SLU7: variants seen among roughly 807,000 people sequenced by gnomAD.
SLU7 encodes spliceosome associated SLU7.
A neutral mutation model predicts 87.0 loss-of-function variants in SLU7; 60 were observed. The ratio of observed to expected loss-of-function variants is 0.69; its 90% CI spans 0.56 to 0.86. The LOEUF is 0.86. Ranked by LOEUF, SLU7 falls within the 40% of genes least tolerant of loss-of-function variation. The probability of loss-of-function intolerance (pLI) is 0.00; values close to 1 mark genes in which losing one functional copy is unlikely to be tolerated. For missense variants in SLU7, 507 were observed against 686.6 expected, an observed-to-expected ratio of 0.74 and a Z score of 2.92; for synonymous variants, 197 against 222.0, an observed-to-expected ratio of 0.89 and a Z score of 1.00.
At position 160,408,434 on chromosome 5, in the gene SLU7, C is replaced by T; in HGVS notation, c.714G>A (p.Glu238=). 5.0e-6 allele frequency: 8 copies of T among 1,607,256 alleles called. No individual in the cohort carries two copies. Among genetic ancestry groups the T allele is most frequent in the Non-Finnish European group, 6.8e-6 (8 of 1,176,358 alleles). ...TATCATCTGCATATTTATCTTCATC[C>T]TCATCTTCACTATTATGATCTTTTT... ...QMEKDHNSED[E]DEDKYADDID... The change falls in exon 8 of 16, where the codon GAG becomes GAA. Residue 238 remains glutamate, a synonymous_variant. Coordinates refer to ENST00000297151, the MANE Select transcript of SLU7 (RefSeq NM_006425.5).
Position 160,412,479 on chromosome 5 carries a change from A to G in SLU7, c.611T>C (p.Leu204Ser), listed in dbSNP as rs1295210097. Reference sequence around the variant, plus strand: ...CTGTTCCACTAATTTTCCTGAGGCTAATTCCTCTTGGAGTTTCTGGGCTTT... The same window carrying G: ...CTGTTCCACTAATTTTCCTGAGGCTGATTCCTCTTGGAGTTTCTGGGCTTT... ...TLKAQKLQEE[L>S]ASGKLVEQAN... is the part of the protein sequence containing the mutation. Residue 204 changes from leucine (L) to serine (S), a missense_variant, in exon 6 of 16, where the codon TTA (leucine) becomes TCA (serine). Around this residue, in one of 6 missense-constraint regions of SLU7, gnomAD observed 155 missense variants for 154.4 expected, o/e 1.00. Transcript: ENST00000297151. 1.3e-6 allele frequency: 2 copies of G among 1,556,172 alleles called. No individual in the cohort carries two copies. Among genetic ancestry groups the G allele is most frequent in the Non-Finnish European group, 1.7e-6 (2 of 1,145,756 alleles).
At position 160,404,567 on chromosome 5, in the gene SLU7, G is replaced by A; in HGVS notation, c.1465-11C>T. On this transcript the variant is annotated splice_polypyrimidine_tract_variant and intron_variant, in intron 14 of 15. Transcript: ENST00000297151. ...TTTTTCTTGATGCAGCTGAAAGGGAGGATTGAAATGCAGTGTTATTAATGT... is the reference window on the plus strand; with the variant it reads ...TTTTTCTTGATGCAGCTGAAAGGGAAGATTGAAATGCAGTGTTATTAATGT... The A allele has an allele frequency of 1.3e-6, 2 of 1,499,432 alleles. No homozygotes were observed. The highest frequency in any genetic ancestry group is 1.8e-6 in the Non-Finnish European group (2 of 1,082,020). 92.9% of individuals were successfully genotyped at this position (1,499,432 alleles called of 1,614,324 possible). A position where few individuals can be genotyped will look rare whatever the true frequency, so the allele number is the denominator to read the frequency against.
intron 1 of SLU7, 37 bp from the exon 2 acceptor site, chr5:160,415,347 C>A: frequency 6.8e-7 from 1 of 1,468,650 alleles, no homozygotes; most frequent in Non-Finnish European, 9.1e-7. Flanking sequence ...AAAAAGTAGG[C>A]CTTCATGAAT....
intron 1 of SLU7, among the ~76,000 whole-genome samples, chr5:160,415,633 A>G (rs1008424992): frequency 2.0e-5 from 3 of 152,210 alleles, no homozygotes; most frequent in Non-Finnish European, 2.9e-5. Context: ...GAGAGAAAAG[A>G]GGGTCCTATC....
intron 6 of SLU7, among the ~76,000 whole-genome samples, chr5:160,412,183 A>G (rs1052432473): frequency 1.3e-5 from 2 of 152,204 alleles, no homozygotes; most frequent in Non-Finnish European, 2.9e-5. Flanking sequence ...AACTCTAGAA[A>G]ATTCTTTAGG....
chr5:160,406,668 C>G (rs768288954), intron 11 of SLU7, 39 bp from the exon 12 acceptor site: 10 of 1,414,172 alleles, frequency 7.1e-6, no homozygotes, highest in Non-Finnish European at 9.6e-6. Flanking sequence ...CATTTTACAA[C>G]CTGATTTGCA....
At position 160,413,435 on chromosome 5, in the gene SLU7, A is replaced by G. The variant is rs200064450; in HGVS notation, c.570+21T>C. On this transcript the variant is annotated intron_variant, in intron 5 of 15. Coordinates refer to ENST00000297151, the MANE Select transcript of SLU7 (RefSeq NM_006425.5). ...AGGACGATTCTTTAAAAACCCCAGGAAAGCAGGGAATTTTGCTCACCAAAT... is the reference window on the plus strand; with the variant it reads ...AGGACGATTCTTTAAAAACCCCAGGGAAGCAGGGAATTTTGCTCACCAAAT... The G allele has an allele frequency of 1.3e-4, 205 of 1,609,490 alleles. No homozygotes were observed. The African/African-American group carries it at 2.3e-3, about 18-fold the overall frequency.
At position 160,413,458 on chromosome 5, in the gene SLU7, A is replaced by C. The variant is rs1207044178; in HGVS notation, c.568T>G (p.Leu190Val). The C allele has an allele frequency of 1.2e-6, 2 of 1,613,042 alleles. No homozygotes were observed. The highest frequency in any genetic ancestry group is 2.2e-5 in the East Asian group (1 of 44,862). The change falls in exon 5 of 16, where the codon TTG becomes GTG. Residue 190 changes from leucine (L) to valine (V), a missense_variant and splice_region_variant. Coordinates refer to ENST00000297151, the MANE Select transcript of SLU7 (RefSeq NM_006425.5). ...GGAAAGCAGGGAATTTTGCTCACCA[A>C]ATCAACTTTGGCATACTCTTCAACA... ...KIVEEYAKVD[L>V]AKRTLKAQKL...
chr5:160,412,373 A>G lies in SLU7; in HGVS notation c.639+78T>C. The G allele has an allele frequency of 3.3e-6, 3 of 909,906 alleles. No individual in the cohort carries two copies. In the South Asian group the frequency reaches 4.3e-5, roughly 13 times the overall value. The allele number at this position is 909,906 out of a possible 1,614,324, so 56.4% of individuals were successfully genotyped here. On this transcript the variant is annotated intron_variant, in intron 6 of 15. Coordinates refer to ENST00000297151, the MANE Select transcript of SLU7 (RefSeq NM_006425.5). ...CTCTCTTCCTAACTGAAGAGCTATA[A>G]AATGAATTCTTGTTTCAATTTTCAT...
Position 160,405,103 on chromosome 5 carries a change from T to A in SLU7, c.1320A>T (p.Arg440=), listed in dbSNP as rs780222825. The A allele has an allele frequency of 6.2e-7, 1 of 1,613,698 alleles. No individual in the cohort carries two copies. Among genetic ancestry groups the A allele is most frequent in the Non-Finnish European group, 8.5e-7 (1 of 1,179,700 alleles). ...HIWGSYWKEG[R]WGYKCCHSFF... ...AAGAGTGACAGCATTTGTATCCCCA[T>A]CGGCCTTCTTTCCAGTACGATCCCC... The change falls in exon 13 of 16, where the codon CGA becomes CGT. Residue 440 remains arginine (R), a synonymous_variant. Coordinates refer to ENST00000297151, the MANE Select transcript of SLU7 (RefSeq NM_006425.5).
intron 12 of SLU7, 76 bp from the exon 13 acceptor site, chr5:160,405,211 A>ACAG: frequency 2.0e-6 from 2 of 989,284 alleles, no homozygotes; most frequent in South Asian, 1.4e-5. Context: ...ATAAGAGTAT[A>ACAG]AAATAATACA....
At chr5:160,404,143 C>G (rs1317548050) in intron 15 of SLU7, among the ~76,000 whole-genome samples, 1 of 152,162 alleles carries the variant, frequency 6.6e-6, no homozygotes, top group East Asian at 1.9e-4. Context: ...GTGGGCAGTT[C>G]ACCTGAGCTC....
chr5:160,409,498 T>A (rs557048348), intron 6 of SLU7, among the ~76,000 whole-genome samples: 1 of 152,284 alleles, frequency 6.6e-6, no homozygotes, highest in South Asian at 2.1e-4. Flanking sequence ...GAAGCATAAA[T>A]CTGCATGGCT....
chr5:160,416,966 G>A (rs1306331220), intron 1 of SLU7: 1 of 152,182 alleles, frequency 6.6e-6, no homozygotes, highest in Non-Finnish European at 1.5e-5. Flanking sequence ...TAATGAATAA[G>A]TTTCACGAGA....
At chr5:160,414,652 TTATTTTAGAGTGAAAA>T (rs1765378509) in intron 2 of SLU7, among the ~76,000 whole-genome samples, 180 bp from the exon 3 acceptor site, 1 of 152,076 alleles carries the variant, frequency 6.6e-6, no homozygotes, top group Non-Finnish European at 1.5e-5. Context: ...AAGAAGTAAT[TTATTTTAGAGTGAAAA>T]TATTTCCAAC....
At chr5:160,408,268 A>G in intron 8 of SLU7, 61 bp downstream of exon 8, 1 of 1,499,924 alleles carries the variant, frequency 6.7e-7, no homozygotes, top group Non-Finnish European at 9.1e-7. Flanking sequence ...CAGAGTCGAT[A>G]AAATTTATGC....
chr5:160,403,865 A>T (rs569242237), intron 15 of SLU7, among the ~76,000 whole-genome samples: 1 of 152,346 alleles, frequency 6.6e-6, no homozygotes, highest in South Asian at 2.1e-4. Context: ...ACATGCCAAT[A>T]ACTCTAAAAT....
chr5:160,416,150 T>C (rs1765447328), intron 1 of SLU7, among the ~76,000 whole-genome samples: 1 of 152,188 alleles, frequency 6.6e-6, no homozygotes, highest in South Asian at 2.1e-4. Context: ...CACCTTGGCC[T>C]CCCAAAGTGC....
At position 160,407,182 on chromosome 5, in the gene SLU7, G is replaced by A. The variant is rs761501847; in HGVS notation, c.1125+294C>T. Among the ~76,000 whole-genome samples, 8 of 152,226 alleles carry A rather than the reference G, an allele frequency of 5.3e-5. No homozygotes were observed. Among genetic ancestry groups the A allele is most frequent in the Non-Finnish European group, 8.8e-5 (6 of 68,038 alleles). On this transcript the variant is annotated intron_variant, in intron 11 of 15. Transcript: ENST00000297151. This position sits in a 1 kb window ranked among gnomAD's most constrained non-coding sequence, Gnocchi z 4.2. ...CCTGTTAACTGCTAAACACAAGAGT[G>A]AGGCCATCTTAGTTCATCATCTAAC...
Sources: allele counts gnomAD v4.1 joint callset (sites outside exome capture counted in the v4.1 genomes callset), GRCh38; gene constraint gnomAD v4.1.1; regional missense constraint gnomAD v4.1.1; non-coding constraint Gnocchi (gnomAD v3.1); transcripts MANE v1.5; gene names NCBI Gene and HGNC (gene_info 2026-07-23, HGNC 2026-07-21).